Variants in LDLRAD4 observed in about 807,000 individuals in gnomAD.
The protein encoded by LDLRAD4 is low density lipoprotein receptor class A domain containing 4.
In LDLRAD4, 5 loss-of-function variants were observed where a neutral mutation model predicts 17.0. The ratio of observed to expected loss-of-function variants is 0.29; its 90% confidence interval spans 0.15 to 0.62. LDLRAD4 has a LOEUF of 0.62. LDLRAD4 is among the 20% of genes least tolerant of loss of function. The pLI, the probability that LDLRAD4 is intolerant of heterozygous loss-of-function variation, is 0.84. For missense variants in LDLRAD4, 340 were observed against 424.7 expected, an observed-to-expected ratio of 0.80 and a Z score of 1.75; for synonymous variants, 168 against 171.8, an observed-to-expected ratio of 0.98 and a Z score of 0.17.
chr18:13,572,826 T>A (rs1232184730), intron 3 of LDLRAD4, among the ~76,000 whole-genome samples: 1 of 152,236 alleles, frequency 6.6e-6, no homozygotes, highest in Non-Finnish European at 1.5e-5. Flanking sequence ...TTGTTAGCAG[T>A]GCATACCCGT....
intron 1 of LDLRAD4, among the ~76,000 whole-genome samples, chr18:13,268,400 T>G (rs891072172): frequency 1.3e-5 from 2 of 152,230 alleles, no homozygotes. Flanking sequence ...AGCATGCTAC[T>G]GAAGGCAGAG....
chr18:13,523,671 G>A (rs2093987268), intron 3 of LDLRAD4, among the ~76,000 whole-genome samples: 1 of 152,184 alleles, frequency 6.6e-6, no homozygotes, highest in African/African-American at 2.4e-5. Flanking sequence ...GTACCATGCA[G>A]TTGCCTCCCT....
chr18:13,611,388 G>T, intron 3 of LDLRAD4: 2 of 846,542 alleles, frequency 2.4e-6, no homozygotes, highest in Non-Finnish European at 1.4e-6. Flanking sequence ...ATGGCAGGCT[G>T]CCCTTTCCAC....
intron 3 of LDLRAD4, 64 bp downstream of exon 4, chr18:13,438,448 G>A (rs976564744): frequency 2.2e-6 from 3 of 1,349,018 alleles, no homozygotes; most frequent in African/African-American, 2.9e-5. Context: ...TAGGAGGTGG[G>A]GTCACTGGGA....
chr18:13,386,950 G>GATA (rs1568083071), intron 1 of LDLRAD4, among the ~76,000 whole-genome samples: 8 of 77,176 alleles, frequency 1.0e-4, no homozygotes, highest in Admixed American at 3.0e-4. Flanking sequence ...ATAGATAGAT[G>GATA]GATGGATGGA....
rs908925882 is a variant in LDLRAD4 at position 13,618,005 on chromosome 18, C to T, written c.182-3112C>T. 2.0e-5 allele frequency among the ~76,000 whole-genome samples: 3 copies of T among 152,080 alleles called. No homozygotes were observed. The East Asian group carries it at 5.8e-4, about 29-fold the overall frequency. On this transcript the variant is annotated intron_variant, in intron 3 of 5. Transcript: ENST00000359446. Reference sequence around the variant, plus strand: ...TCTTTCCTACAAGTATACTGACAAACGTGTGCCAGCCACACACTTGCACAT... The same window carrying T: ...TCTTTCCTACAAGTATACTGACAAATGTGTGCCAGCCACACACTTGCACAT...
intron 3 of LDLRAD4, among the ~76,000 whole-genome samples, chr18:13,603,485 G>A (rs1045650555): frequency 1.3e-5 from 2 of 152,250 alleles, no homozygotes; most frequent in East Asian, 1.9e-4. Flanking sequence ...GGCATTGCCA[G>A]TTACTGCTGT....
rs564657906 is a variant in LDLRAD4 at position 13,468,768 on chromosome 18, C to T, written c.181+30384C>T. Among the ~76,000 whole-genome samples, 1,029 of 146,490 alleles carry T rather than the reference C, an allele frequency of 7.0e-3. 15 individuals carry two copies. The highest frequency in any genetic ancestry group is 0.025 in the African/African-American group (971 of 39,334). ...TGCAAGGACAAAAAACCAAACACTG[C>T]ATGTTCTCACTCATAGGTGGGAATT... On this transcript the variant is annotated intron_variant, in intron 3 of 5. Transcript: ENST00000359446.
chr18:13,480,437 A>G (rs931294789), intron 3 of LDLRAD4, among the ~76,000 whole-genome samples: 2 of 152,152 alleles, frequency 1.3e-5, no homozygotes, highest in African/African-American at 2.4e-5. Flanking sequence ...GAGGAGCACA[A>G]AGGATTTTTA....
chr18:13,557,181 C>T (rs181671916), intron 3 of LDLRAD4, among the ~76,000 whole-genome samples: 8 of 152,212 alleles, frequency 5.3e-5, no homozygotes, highest in African/African-American at 1.7e-4. Flanking sequence ...GCCCATAGTC[C>T]TAGCTGCCCA....
intron 3 of LDLRAD4, among the ~76,000 whole-genome samples, chr18:13,443,725 C>A (rs984439350): frequency 4.6e-5 from 7 of 152,120 alleles, no homozygotes; most frequent in Admixed American, 4.6e-4. Context: ...CCTCCTCCTC[C>A]CCCTTCTCCC....
At chr18:13,318,858 G>T (rs1040807479) in intron 1 of LDLRAD4, among the ~76,000 whole-genome samples, 2 of 152,162 alleles carry the variant, frequency 1.3e-5, no homozygotes, top group African/African-American at 4.8e-5. Context: ...CGTTAGAAAA[G>T]CCCTCTTACT....
rs757940032 is a variant in LDLRAD4, at chr18:13,568,294, C to CA, written c.182-52809dup. On this transcript the variant is annotated intron_variant, in intron 3 of 5. Coordinates refer to ENST00000359446, the Ensembl canonical transcript of LDLRAD4. ...GGGTGACAGAGTGAGACTCCGTTTA[C>CA]AAAAAAAAAAAAAAGAAAAAAACAA... Among the ~76,000 whole-genome samples the CA allele has an allele frequency of 3.1e-3, 366 of 116,470 alleles. 2 individuals are homozygous for CA. The highest frequency in any genetic ancestry group is 4.0e-3 in the Non-Finnish European group (216 of 53,524). 76.4% of individuals were successfully genotyped at this position (116,470 alleles called of 152,430 possible). A position where few individuals can be genotyped will look rare whatever the true frequency, so the allele number is the denominator to read the frequency against.
At chr18:13,356,056 C>T (rs1324339530) in intron 1 of LDLRAD4, among the ~76,000 whole-genome samples, 10 of 152,238 alleles carry the variant, frequency 6.6e-5, no homozygotes, top group African/African-American at 7.2e-5. Context: ...GAGGGAGGAG[C>T]GTAAGCAAGT....
Position 13,304,641 on chromosome 18 carries a change from G to A in LDLRAD4, c.-383+26453G>A, listed in dbSNP as rs78447776. On this transcript the variant is annotated intron_variant, in intron 1 of 5. Coordinates refer to ENST00000359446, the Ensembl canonical transcript of LDLRAD4. ...TACACCGACACACGCTTCAATCCTT[G>A]TCATGGCAACATCAGCCCTTTTGAG... Among the ~76,000 whole-genome samples the A allele has an allele frequency of 2.8e-4, 42 of 152,338 alleles. No individual in the cohort carries two copies. The East Asian group carries it at 8.1e-3, about 29-fold the overall frequency.
chr18:13,345,372 G>C (rs1214982995), intron 1 of LDLRAD4, among the ~76,000 whole-genome samples: 1 of 152,160 alleles, frequency 6.6e-6, no homozygotes, highest in African/African-American at 2.4e-5. Flanking sequence ...CTGTTTATAT[G>C]CTGGATTACG....
intron 2 of LDLRAD4, among the ~76,000 whole-genome samples, chr18:13,429,739 T>TC (rs35407000): frequency 0.37 from 56,816 of 152,072 alleles, 12,450 homozygotes; most frequent in Non-Finnish European, 0.5. Context: ...AAGGGAAGCC[T>TC]CCCCTGCATG....
intron 1 of LDLRAD4, among the ~76,000 whole-genome samples, chr18:13,372,290 G>C (rs987144497): frequency 2.6e-4 from 40 of 152,156 alleles, no homozygotes; most frequent in African/African-American, 8.0e-4. Context: ...CAGTTGCCTT[G>C]GGGGTACACG....
At chr18:13,423,244 G>A (rs927049444) in intron 2 of LDLRAD4, among the ~76,000 whole-genome samples, 5 of 152,168 alleles carry the variant, frequency 3.3e-5, no homozygotes, top group Non-Finnish European at 7.3e-5. Flanking sequence ...TGTAATCCCA[G>A]CACTTTGGGA....
Sources: gnomAD v4.1 joint callset for allele counts (sites outside exome capture counted in the v4.1 genomes callset) on GRCh38, gnomAD v4.1.1 for gene constraint, MANE v1.5 for transcripts, NCBI Gene and HGNC (gene_info 2026-07-23, HGNC 2026-07-21) for gene names.